Variants in ZNHIT6 observed in about 807,000 individuals in gnomAD.
The protein encoded by ZNHIT6 is box C/D snoRNA protein 1.
ZNHIT6 carries 45 observed loss-of-function variants against 57.2 expected under a neutral mutation model. That is an observed-to-expected ratio of 0.79 (90% CI 0.62 to 1.01). The LOEUF is 1.01. Ranked by LOEUF, ZNHIT6 falls within the 50% of genes least tolerant of loss-of-function variation. The probability of loss-of-function intolerance (pLI) is 0.00; values close to 1 mark genes in which losing one functional copy is unlikely to be tolerated. For synonymous variants in ZNHIT6, 188 were observed against 190.0 expected (o/e 0.99, Z 0.09); for missense variants, 528 against 567.3 (o/e 0.93, Z 0.70).
At chr1:85,663,924 G>A (rs1255368920) in intron 8 of ZNHIT6, among the ~76,000 whole-genome samples, 4 of 115,234 alleles carry the variant, frequency 3.5e-5, no homozygotes, top group South Asian at 3.6e-4. Flanking sequence ...TAGGTGATCC[G>A]TCTCTGTAGC....
chr1:85,667,961 A>AAAAAAAAAAAAAAATCTATATATATATAT, intron 8 of ZNHIT6, among the ~76,000 whole-genome samples: 1 of 18,202 alleles, frequency 5.5e-5, no homozygotes, highest in African/African-American at 2.1e-4. Context: ...AAAAAAAAAA[A>AAAAAAAAAAAAAAATCTATATATATATAT]ATATATATAT....
intron 5 of ZNHIT6, among the ~76,000 whole-genome samples, chr1:85,699,246 C>G (rs892605861): frequency 1.3e-5 from 2 of 152,074 alleles, no homozygotes; most frequent in African/African-American, 2.4e-5. Context: ...AAACCTTGCT[C>G]ATTTTCATAT....
intron 7 of ZNHIT6, among the ~76,000 whole-genome samples, chr1:85,678,019 TTA>T (rs34601181): frequency 0.32 from 49,144 of 151,926 alleles, 8,297 homozygotes; most frequent in East Asian, 0.49. Flanking sequence ...CTAGGAAGTG[TTA>T]TCATTCTTAT....
intron 4 of ZNHIT6, among the ~76,000 whole-genome samples, chr1:85,703,265 A>G (rs550977881): frequency 1.3e-5 from 2 of 152,306 alleles, no homozygotes; most frequent in African/African-American, 2.4e-5. Context: ...AAGAAAAAAA[A>G]TCCATTAGCA....
At chr1:85,693,433 G>C (rs929600299) in intron 5 of ZNHIT6, among the ~76,000 whole-genome samples, 6 of 152,124 alleles carry the variant, frequency 3.9e-5, no homozygotes, top group African/African-American at 1.4e-4. Context: ...AAAACAAACA[G>C]TGCATAGACT....
chr1:85,677,269 A>G lies in ZNHIT6; in HGVS notation c.1214T>C (p.Met405Thr), dbSNP rs1318390957. ...ATTTTGCTGCATATATTCAATCTTC[A>G]TTAAAATCTGAACCCCAGTCTGAGA... Reference protein sequence around the residue: ...IRSQTGVQILMKIEYMQQNLV... With the variant: ...IRSQTGVQILTKIEYMQQNLV... The change falls in exon 8 of 10, where the codon ATG (methionine) becomes ACG (threonine). Residue 405 changes from methionine to threonine, a missense_variant. By Grantham distance (81) the Met-to-Thr change is moderately conservative (BLOSUM62 -1). Transcript: ENST00000370574. 6.2e-7 allele frequency: 1 copy of G among 1,609,358 alleles called. No homozygotes were observed. The highest frequency in any genetic ancestry group is 2.2e-5 in the East Asian group (1 of 44,682).
intron 5 of ZNHIT6, among the ~76,000 whole-genome samples, chr1:85,688,443 A>ATTCAAGTGTATCTCAGTTACTTTTTAT (rs1662127111): frequency 6.6e-6 from 1 of 152,192 alleles, no homozygotes; most frequent in East Asian, 1.9e-4. Flanking sequence ...TGTACTGCGA[A>ATTCAAGTGTATCTCAGTTACTTTTTAT]TTCAAGTGTA....
chr1:85,687,294 A>AAAC (rs1476422592), intron 5 of ZNHIT6, among the ~76,000 whole-genome samples: 2 of 133,218 alleles, frequency 1.5e-5, no homozygotes, highest in Admixed American at 1.5e-4. Context: ...AAAACAAAAA[A>AAAC]AAAACAAAAA....
intron 5 of ZNHIT6, among the ~76,000 whole-genome samples, chr1:85,690,816 AG>A (rs1662194252): frequency 6.6e-6 from 1 of 152,170 alleles, no homozygotes; most frequent in South Asian, 2.1e-4. Context: ...ACTTGAGGTC[AG>A]GAAGTCGAGA....
chr1:85,672,314 T>C (rs192218035), intron 8 of ZNHIT6, among the ~76,000 whole-genome samples: 12 of 152,284 alleles, frequency 7.9e-5, no homozygotes, highest in Admixed American at 4.6e-4. Context: ...TTTACAGTTT[T>C]CTACTGCCAA....
chr1:85,673,697 C>T (rs1301611645), intron 8 of ZNHIT6, among the ~76,000 whole-genome samples: 1 of 151,656 alleles, frequency 6.6e-6, no homozygotes, highest in Admixed American at 6.6e-5. Flanking sequence ...TAGAGCTTAA[C>T]ATTTATAACC....
chr1:85,708,385 G>A lies in ZNHIT6; in HGVS notation c.-101C>T. 2 of 1,433,342 alleles carry A rather than the reference G, an allele frequency of 1.4e-6. No individual in the cohort carries two copies. The highest frequency in any genetic ancestry group is 1.9e-6 in the Non-Finnish European group (2 of 1,077,166). The allele number at this position is 1,433,342 out of a possible 1,614,324, so 88.8% of individuals were successfully genotyped here. On this transcript the variant is annotated 5_prime_UTR_variant, in exon 1 of 10. In the 5' UTR this introduces an upstream ATG that the reference lacks. Transcript: ENST00000370574. ...GGTCGGAATACCTACGGCGGCCCAC[G>A]TGTGGAGCCAAGCAGCCACAAACCC... is the stretch of plus-strand genomic sequence containing the variant.
rs534983402 is a variant in ZNHIT6 at position 85,694,706 on chromosome 1, C to T, written c.1019+7451G>A. Among the ~76,000 whole-genome samples the T allele has an allele frequency of 1.3e-4, 20 of 152,322 alleles. No individual in the cohort carries two copies. In the South Asian group the frequency reaches 3.7e-3, roughly 28 times the overall value. On this transcript the variant is annotated intron_variant, in intron 5 of 9. Coordinates refer to ENST00000370574, the MANE Select transcript of ZNHIT6 (RefSeq NM_017953.4). The stretch of plus-strand genomic sequence containing the variant: ...CAATCTCCTGACCTCGTGATCCGCC[C>T]GCCTTGGCCTCTCAAAGTGCTGGGT...
In ZNHIT6 at chr1:85,649,859, A is replaced by T. The variant is rs1660856693; in HGVS notation, c.*4199T>A. 6.6e-6 allele frequency: 1 copy of T among 151,246 alleles called. No individual in the cohort carries two copies. The highest frequency in any genetic ancestry group is 1.5e-5 in the Non-Finnish European group (1 of 67,728). The allele number at this position is 151,246 out of a possible 1,614,324, so 9.4% of individuals were successfully genotyped here. ...TGTCAAATAAAAATGGATGGCATTA[A>T]AAAAAAAATCCAAAAACCTATAATG... On this transcript the variant is annotated 3_prime_UTR_variant, in exon 10 of 10. Transcript: ENST00000370574.
chr1:85,654,074 A>G lies in ZNHIT6; in HGVS notation c.1397T>C (p.Val466Ala). The change falls in exon 10 of 10, where the codon GTT becomes GCT. Residue 466 changes from valine to alanine, a missense_variant. Transcript: ENST00000370574. ...AAAAAATGCTCAATTTTCATTGCCA[A>G]CGTTCTTGGTAGATTCACTCTTCAC... ...HQVKSESTKN[V>A]GNEN 1 of 1,612,480 alleles carries G rather than the reference A, an allele frequency of 6.2e-7. No homozygotes were observed. Among genetic ancestry groups the G allele is most frequent in the Non-Finnish European group, 8.5e-7 (1 of 1,179,350 alleles).
chr1:85,658,115 TTTA>T (rs1661114793), intron 8 of ZNHIT6, 144 bp from the exon 9 acceptor site: 2 of 505,340 alleles, frequency 4.0e-6, no homozygotes, highest in East Asian at 3.3e-5. Flanking sequence ...GCATAGTAAG[TTTA>T]ATACCTTCTA....
At chr1:85,696,178 T>G (rs1023721574) in intron 5 of ZNHIT6, among the ~76,000 whole-genome samples, 1 of 148,474 alleles carries the variant, frequency 6.7e-6, no homozygotes, top group Non-Finnish European at 1.5e-5. Context: ...TAACTGCATT[T>G]TTTTTTTTTT....
intron 8 of ZNHIT6, among the ~76,000 whole-genome samples, chr1:85,667,177 G>A (rs821383): frequency 0.91 from 137,856 of 152,212 alleles, 63,071 homozygotes; most frequent in Non-Finnish European, 0.97. Context: ...AGGTTCTACC[G>A]TTTAGTGGTC....
intron 5 of ZNHIT6, among the ~76,000 whole-genome samples, chr1:85,698,425 A>T (rs866355381): frequency 6.6e-6 from 1 of 152,200 alleles, no homozygotes; most frequent in African/African-American, 2.4e-5. Context: ...TTCAGGTACA[A>T]TGGCACATTC....
Sources: gnomAD v4.1 joint callset for allele counts (sites outside exome capture counted in the v4.1 genomes callset) on GRCh38, gnomAD v4.1.1 for gene constraint, MANE v1.5 for transcripts, NCBI Gene and HGNC (gene_info 2026-07-23, HGNC 2026-07-21) for gene names.